Variants in ZNF407 observed in about 807,000 individuals in gnomAD.
ZNF407 encodes zinc finger protein 407.
Under a neutral mutation model 131.2 loss-of-function variants are expected in ZNF407, and 17 were observed. The ratio of observed to expected loss-of-function variants is 0.13; its 90% CI spans 0.09 to 0.19. The LOEUF (loss-of-function observed/expected upper bound fraction) is 0.19, where lower values mean the gene tolerates loss of function less well. Among genes scored for constraint, ZNF407 ranks in the 10% least tolerant of loss-of-function variants. The pLI is 1.00. For synonymous variants in ZNF407, 1,156 were observed against 1,062.0 expected, an observed-to-expected ratio of 1.09 and a Z score of -1.72; for missense variants, 2,681 against 2,830.6, an observed-to-expected ratio of 0.95 and a Z score of 1.20.
At chr18:74,608,865 G>A (rs1568312419) in intron 1 of ZNF407, among the ~76,000 whole-genome samples, 1 of 152,130 alleles carries the variant, frequency 6.6e-6, no homozygotes, top group Non-Finnish European at 1.5e-5. Context: ...GTCTTCTTCT[G>A]GTGAACGTGA....
chr18:74,631,242 C>T lies in ZNF407; in HGVS notation c.223C>T (p.Arg75Cys), dbSNP rs1411076303. ...GEDRNKHASK[R>C]RKLDEAEPLK... Reference sequence around the variant, plus strand: ...AGACAGAAATAAACATGCTTCCAAACGCAGGAAATTAGATGAGGCAGAGCC... The same window carrying T: ...AGACAGAAATAAACATGCTTCCAAATGCAGGAAATTAGATGAGGCAGAGCC... Residue 75 changes from arginine to cysteine, a missense_variant, in exon 2 of 9, where the codon CGC (arginine) becomes TGC (cysteine). Around this residue, in one of 6 missense-constraint regions of ZNF407, gnomAD observed 1,789 missense variants for 1,748.7 expected, o/e 1.02. Coordinates refer to ENST00000299687, the MANE Select transcript of ZNF407 (RefSeq NM_017757.3). 3.1e-6 allele frequency: 5 copies of T among 1,613,846 alleles called. No homozygotes were observed. The highest frequency in any genetic ancestry group is 4.2e-6 in the Non-Finnish European group (5 of 1,179,866).
intron 8 of ZNF407, among the ~76,000 whole-genome samples, chr18:75,036,845 A>G (rs780126507): frequency 5.9e-5 from 9 of 152,220 alleles, no homozygotes; most frequent in Admixed American, 6.5e-5. Flanking sequence ...ACCATATTTT[A>G]TTTATCCCTC....
At chr18:74,668,813 T>G (rs1490503440) in intron 3 of ZNF407, among the ~76,000 whole-genome samples, 3 of 152,162 alleles carry the variant, frequency 2.0e-5, no homozygotes, top group African/African-American at 4.8e-5. Flanking sequence ...TGATGTATTT[T>G]CAGTTTCATA....
intron 4 of ZNF407, among the ~76,000 whole-genome samples, chr18:74,868,744 G>T (rs1463149094): frequency 6.6e-6 from 1 of 152,148 alleles, no homozygotes; most frequent in East Asian, 1.9e-4. Flanking sequence ...CACCTTAACA[G>T]TGAAGCCTTT....
chr18:74,782,220 C>G (rs941837041), intron 4 of ZNF407, among the ~76,000 whole-genome samples: 2 of 152,116 alleles, frequency 1.3e-5, no homozygotes, highest in Non-Finnish European at 2.9e-5. Flanking sequence ...CTCAGATTCT[C>G]CAAGGTAGGA....
chr18:74,912,738 A>G (rs1410740853), intron 7 of ZNF407, among the ~76,000 whole-genome samples: 11 of 152,232 alleles, frequency 7.2e-5, no homozygotes, highest in Admixed American at 7.2e-4. Context: ...GAGCAAAATT[A>G]TCAACATTTG....
At chr18:74,917,960 G>A (rs1389825171) in intron 7 of ZNF407, among the ~76,000 whole-genome samples, 1 of 152,146 alleles carries the variant, frequency 6.6e-6, no homozygotes, top group Non-Finnish European at 1.5e-5. Context: ...AATTTAGGAG[G>A]TGTCTGTAAT....
intron 3 of ZNF407, among the ~76,000 whole-genome samples, chr18:74,779,109 A>ATATATATATATATATTTT (rs397943457): frequency 4.1e-5 from 1 of 24,376 alleles, no homozygotes; most frequent in Non-Finnish European, 7.2e-5. Flanking sequence ...ATATATATAT[A>ATATATATATATATATTTT]TTTTTTTTTT....
At chr18:74,827,433 A>AT (rs1970423831) in intron 4 of ZNF407, among the ~76,000 whole-genome samples, 1 of 147,844 alleles carries the variant, frequency 6.8e-6, no homozygotes, top group Non-Finnish European at 1.5e-5. Flanking sequence ...TGCGCTCATC[A>AT]TTTTTTCTTT....
At position 75,063,365 on chromosome 18, in the gene ZNF407, G is replaced by A. The variant is rs1356917650; in HGVS notation, c.5644G>A (p.Val1882Met). 6.2e-7 allele frequency: 1 copy of A among 1,611,970 alleles called. No homozygotes were observed. ...CGGGGAGTTTGCCCTGGACCCCTCG[G>A]TGGAGGAGACGGCCGCCGCCACGCT... Reference protein sequence around the residue: ...YDGEFALDPSVEETAAATLQT... With the variant: ...YDGEFALDPSMEETAAATLQT... The change falls in exon 9 of 9, where the codon GTG becomes ATG. Residue 1882 changes from valine (V) to methionine (M), a missense_variant. Val to Met is a conservative substitution (Grantham distance 21). Transcript: ENST00000299687. The surrounding 1 kb of genome is among the most constrained non-coding windows in gnomAD (Gnocchi z 6.6).
chr18:74,649,708 G>A (rs1188531960), intron 3 of ZNF407, among the ~76,000 whole-genome samples: 1 of 152,062 alleles, frequency 6.6e-6, no homozygotes, highest in Non-Finnish European at 1.5e-5. Flanking sequence ...CTCGGGTCAG[G>A]GCTGTTTCTA....
chr18:74,998,313 G>T (rs1972802821), intron 8 of ZNF407, among the ~76,000 whole-genome samples: 1 of 152,186 alleles, frequency 6.6e-6, no homozygotes, highest in African/African-American at 2.4e-5. Context: ...TTAAATGAAT[G>T]TCTTCTTTGC....
intron 3 of ZNF407, among the ~76,000 whole-genome samples, chr18:74,735,532 G>A (rs1568189238): frequency 6.6e-6 from 1 of 152,198 alleles, no homozygotes; most frequent in African/African-American, 2.4e-5. Context: ...ACAATGGACT[G>A]TTTCTGAGCA....
rs551358609 is a variant in ZNF407, at chr18:74,877,741, C to T, written c.5044+378C>T. On this transcript the variant is annotated intron_variant, in intron 5 of 8. Transcript: ENST00000299687. ...AGAGAGCTAGTCTTGTGTTTTGTTA[C>T]TGATATAAACGAATTTCCATAGTAT... 5.9e-5 allele frequency among the ~76,000 whole-genome samples: 9 copies of T among 152,252 alleles called. No homozygotes were observed. In the South Asian group the frequency reaches 1.5e-3, roughly 25 times the overall value.
At chr18:74,699,823 A>G (rs538504892) in intron 3 of ZNF407, among the ~76,000 whole-genome samples, 1 of 152,296 alleles carries the variant, frequency 6.6e-6, no homozygotes, top group South Asian at 2.1e-4. Context: ...TATGACATAG[A>G]TTTTCTAACA....
chr18:74,841,395 C>A (rs1970631599), intron 4 of ZNF407, among the ~76,000 whole-genome samples: 1 of 152,146 alleles, frequency 6.6e-6, no homozygotes, highest in African/African-American at 2.4e-5. Context: ...CATCCCTTTG[C>A]TCACCGCTTC....
chr18:75,045,150 A>G (rs1973419797), intron 8 of ZNF407, among the ~76,000 whole-genome samples: 1 of 152,104 alleles, frequency 6.6e-6, no homozygotes, highest in Non-Finnish European at 1.5e-5. Flanking sequence ...GTGTGCACGC[A>G]TGTACATAAC....
chr18:74,953,091 G>GT (rs142758757), intron 8 of ZNF407, among the ~76,000 whole-genome samples: 5,604 of 152,186 alleles, frequency 0.037, 379 homozygotes, highest in African/African-American at 0.13. Flanking sequence ...ACGTTGATTT[G>GT]TTTTTTGCAA....
intron 4 of ZNF407, among the ~76,000 whole-genome samples, chr18:74,827,210 A>G (rs934729606): frequency 6.6e-6 from 1 of 152,166 alleles, no homozygotes; most frequent in African/African-American, 2.4e-5. Flanking sequence ...GTATTTTGGT[A>G]TTGAAAAGCA....
Sources: gnomAD v4.1 joint callset for allele counts (sites outside exome capture counted in the v4.1 genomes callset) on GRCh38, gnomAD v4.1.1 for gene constraint, gnomAD v4.1.1 regional missense constraint, Gnocchi (gnomAD v3.1) non-coding constraint, MANE v1.5 for transcripts, NCBI Gene and HGNC (gene_info 2026-07-23, HGNC 2026-07-21) for gene names.